CLCN6: variants seen among roughly 807,000 people sequenced by gnomAD.
The protein encoded by CLCN6 is H(+)/Cl(-) exchange transporter 6.
CLCN6 carries 70 observed loss-of-function variants against 109.8 expected under a neutral mutation model. The ratio of observed to expected loss-of-function variants is 0.64; its 90% CI spans 0.53 to 0.78. The LOEUF is 0.78. CLCN6 is among the 30% of genes least tolerant of loss of function. CLCN6 has a pLI of 0.00. For synonymous variants in CLCN6, 444 were observed against 447.8 expected (o/e 0.99, Z 0.11); for missense variants, 984 against 1,142.3 (o/e 0.86, Z 2.00).
chr1:11,838,749 G>A (rs745675857), intron 22 of CLCN6, 89 bp downstream of exon 22: 64 of 1,581,786 alleles, frequency 4.0e-5, no homozygotes, highest in East Asian at 8.9e-5. Context: ...CACCAGAAAC[G>A]TAGGCATCCC....
chr1:11,829,058 A>T, intron 12 of CLCN6, 138 bp from the exon 13 acceptor site: 6 of 964,450 alleles, frequency 6.2e-6, no homozygotes, highest in Non-Finnish European at 6.3e-6. Flanking sequence ...TCAATTCTGC[A>T]CACATGTTGA....
At position 11,807,194 on chromosome 1, in the gene CLCN6, A is replaced by C; in HGVS notation, c.147+4A>C. The C allele has an allele frequency of 6.2e-7, 1 of 1,613,796 alleles. No individual in the cohort carries two copies. Among genetic ancestry groups the C allele is most frequent in the Non-Finnish European group, 8.5e-7 (1 of 1,179,692 alleles). On this transcript the variant is annotated splice_donor_region_variant and intron_variant, in intron 2 of 22. Coordinates refer to ENST00000346436, the MANE Select transcript of CLCN6 (RefSeq NM_001286.5). ...TCTTCCAAGGAAAGACTATGAGGTG[A>C]GCTCCTTTGATACTGCTTGGGCAAC...
rs1026607299 is a variant in CLCN6, at chr1:11,827,195, T to C, written c.814T>C (p.Trp272Arg). 1 of 1,613,006 alleles carries C rather than the reference T, an allele frequency of 6.2e-7. No individual in the cohort carries two copies. Among genetic ancestry groups the C allele is most frequent in the African/African-American group, 1.3e-5 (1 of 74,828 alleles). Residue 272 changes from tryptophan to arginine, a missense_variant, in exon 10 of 23, where the codon TGG becomes CGG. Transcript: ENST00000346436. The stretch of plus-strand genomic sequence containing the variant: ...CAGTCTAGAGGAGGGTTCGTCCTTC[T>C]GGAACCAAGGGCTCACGTGGAAAGT... ...LFSLEEGSSF[W>R]NQGLTWKVLF...
rs1553120511 is a variant in CLCN6 at position 11,830,776 on chromosome 1, C to CTATA, written c.1248+1459_1248+1462dup. ...ATATATATATATATACACACACACACTATATATACACACACACACACACAC... is the reference window on the plus strand; with the variant it reads ...ATATATATATATATACACACACACACTATATATATATACACACACACACACACAC... On this transcript the variant is annotated intron_variant, in intron 13 of 22. Transcript: ENST00000346436. Among the ~76,000 whole-genome samples the CTATA allele has an allele frequency of 1.7e-5, 2 of 118,122 alleles. 1 individual carries two copies. Among genetic ancestry groups the CTATA allele is most frequent in the African/African-American group, 7.7e-5 (2 of 25,908 alleles). 77.5% of individuals were successfully genotyped at this position (118,122 alleles called of 152,430 possible). A position where few individuals can be genotyped will look rare whatever the true frequency, so the allele number is the denominator to read the frequency against.
At chr1:11,806,866 C>G (rs1644520602) in intron 1 of CLCN6, 1 of 438,728 alleles carries the variant, frequency 2.3e-6, no homozygotes, top group Non-Finnish European at 4.1e-6. Context: ...CCCCCCTTTT[C>G]AGCTGGCGTT....
rs758958333 is a variant in CLCN6, at chr1:11,838,588, C to A, written c.2457C>A (p.His819Gln). ...CTTTCACCGTCTCGCCCAACACCCA[C>A]GTCTCCCAAGTCTTCAACCTGTTCA... ...PSPFTVSPNT[H>Q]VSQVFNLFRT... The change falls in exon 22 of 23, where the codon CAC becomes CAA. Residue 819 changes from histidine to glutamine, a missense_variant. Coordinates refer to ENST00000346436, the MANE Select transcript of CLCN6 (RefSeq NM_001286.5). The A allele has an allele frequency of 6.2e-7, 1 of 1,613,574 alleles. No individual in the cohort carries two copies.
intron 11 of CLCN6, 82 bp downstream of exon 11, chr1:11,828,301 C>A: frequency 6.9e-7 from 1 of 1,447,220 alleles, no homozygotes; most frequent in South Asian, 1.2e-5. Flanking sequence ...GAGAAATGAG[C>A]AGAGGGCTAG....
intron 5 of CLCN6, among the ~76,000 whole-genome samples, chr1:11,821,024 C>A (rs553236352): frequency 6.7e-6 from 1 of 149,382 alleles, no homozygotes; most frequent in Non-Finnish European, 1.5e-5. Flanking sequence ...TGCAGTGAGC[C>A]GAGATCGCGC....
chr1:11,828,124 G>A lies in CLCN6; in HGVS notation c.859G>A (p.Ala287Thr). The change falls in exon 11 of 23, where the codon GCC becomes ACC. Residue 287 changes from alanine (A) to threonine (T), a missense_variant. Physicochemically the swap from Ala to Thr is moderately conservative, Grantham distance 58 (BLOSUM62 0). Transcript: ENST00000346436. ...CCCCTAGCTCTTTTGTTCCATGTCT[G>A]CCACCTTCACCCTCAACTTCTTCCG... ...TWKVLFCSMS[A>T]TFTLNFFRSG... 6.2e-7 allele frequency: 1 copy of A among 1,614,052 alleles called. No individual in the cohort carries two copies. Among genetic ancestry groups the A allele is most frequent in the Non-Finnish European group, 8.5e-7 (1 of 1,179,896 alleles).
At position 11,834,290 on chromosome 1, in the gene CLCN6, G is replaced by A. The variant is rs762940335; in HGVS notation, c.1581G>A (p.Ala527=). 3.5e-5 allele frequency: 56 copies of A among 1,613,982 alleles called. No individual in the cohort carries two copies. The highest frequency in any genetic ancestry group is 4.1e-5 in the Non-Finnish European group (48 of 1,180,028). Reference sequence around the variant, plus strand: ...GGACCTTTGCCCTGATTGGTGCAGCGGCTTTCTTGGGCGGGGTGGTCCGCA... The same window carrying A: ...GGACCTTTGCCCTGATTGGTGCAGCAGCTTTCTTGGGCGGGGTGGTCCGCA... The part of the protein sequence containing the change: ...YSGTFALIGA[A]AFLGGVVRMT... Residue 527 remains alanine, a synonymous_variant, in exon 16 of 23, where the codon GCG becomes GCA. Coordinates refer to ENST00000346436, the MANE Select transcript of CLCN6 (RefSeq NM_001286.5). The surrounding 1 kb of genome is among the most constrained non-coding windows in gnomAD (Gnocchi z 4.5).
rs762216529 is a variant in CLCN6 at position 11,822,786 on chromosome 1, C to T, written c.438C>T (p.Leu146=). ...TCACCTTTGTCTTCCTGGCAAGCCT[C>T]CTTGTTCTCATTGAGGTGAGGTGGT... ...FNLTFVFLAS[L]LVLIEPVAAG... Residue 146 remains leucine, a synonymous_variant, in exon 6 of 23, where the codon CTC becomes CTT. Transcript: ENST00000346436. The T allele has an allele frequency of 5.6e-6, 9 of 1,613,240 alleles. No individual in the cohort carries two copies.
intron 2 of CLCN6, among the ~76,000 whole-genome samples, chr1:11,810,777 A>G (rs948869857): frequency 2.6e-5 from 4 of 151,542 alleles, no homozygotes; most frequent in African/African-American, 9.8e-5. Flanking sequence ...TATTTAAAAA[A>G]AAAAGAAGCG....
chr1:11,814,430 T>C (rs1644642126), intron 2 of CLCN6, among the ~76,000 whole-genome samples: 1 of 151,812 alleles, frequency 6.6e-6, no homozygotes, highest in Non-Finnish European at 1.5e-5. Context: ...GTATTTTTAG[T>C]AGAGATGGGG....
intron 2 of CLCN6, among the ~76,000 whole-genome samples, chr1:11,814,675 C>T (rs183375092): frequency 2.0e-5 from 3 of 152,264 alleles, no homozygotes; most frequent in Non-Finnish European, 4.4e-5. Flanking sequence ...GTAAAGGATG[C>T]TGCTTCAGAT....
intron 1 of CLCN6, 96 bp downstream of exon 1, chr1:11,806,445 A>G: frequency 2.5e-6 from 3 of 1,181,476 alleles, no homozygotes; most frequent in East Asian, 3.2e-5. Flanking sequence ...CTGGGCCCGC[A>G]GGTGGCAGCG....
In CLCN6 at chr1:11,837,037, A is replaced by G. The variant is rs546607075; in HGVS notation, c.2019A>G (p.Lys673=). 1.7e-5 allele frequency: 27 copies of G among 1,612,620 alleles called. No individual in the cohort carries two copies. In the South Asian group the frequency reaches 3.0e-4, roughly 18 times the overall value. ...SILTRAGEQR[K]RSQSMKSYPS... ...TCACCCGGGCTGGCGAGCAGCGCAAACGGAGCCAGTCCATGAAGTCCTACC... is the reference window on the plus strand; with the variant it reads ...TCACCCGGGCTGGCGAGCAGCGCAAGCGGAGCCAGTCCATGAAGTCCTACC... The change falls in exon 19 of 23, where the codon AAA becomes AAG. Residue 673 remains lysine, a synonymous_variant. Transcript: ENST00000346436.
chr1:11,837,741 C>T (rs1644969026), intron 20 of CLCN6, among the ~76,000 whole-genome samples: 1 of 152,198 alleles, frequency 6.6e-6, no homozygotes, highest in Non-Finnish European at 1.5e-5. Flanking sequence ...CTCCCTGGCT[C>T]TGGTGCTGTC....
chr1:11,814,121 T>C (rs17037434), intron 2 of CLCN6, among the ~76,000 whole-genome samples: 1 of 152,120 alleles, frequency 6.6e-6, no homozygotes, highest in Non-Finnish European at 1.5e-5. Flanking sequence ...TTTGGCTGAC[T>C]TGAAACTATT....
chr1:11,838,815 G>A, intron 22 of CLCN6, 155 bp downstream of exon 22: 2 of 1,117,764 alleles, frequency 1.8e-6, no homozygotes, highest in Non-Finnish European at 2.7e-6. Flanking sequence ...CGGCTTCCGT[G>A]CACTCGGGAC....
Sources: gnomAD v4.1 joint callset for allele counts (sites outside exome capture counted in the v4.1 genomes callset) on GRCh38, gnomAD v4.1.1 for gene constraint, Gnocchi (gnomAD v3.1) non-coding constraint, MANE v1.5 for transcripts, NCBI Gene and HGNC (gene_info 2026-07-23, HGNC 2026-07-21) for gene names.